Variants in POU2F3 observed in about 807,000 individuals in gnomAD.
The protein encoded by POU2F3 is POU domain, class 2, transcription factor 3.
Under a neutral mutation model 59.2 loss-of-function variants are expected in POU2F3, and 23 were observed. The ratio of observed to expected loss-of-function variants is 0.39; its 90% confidence interval spans 0.28 to 0.55. The LOEUF is 0.55. Among genes scored for constraint, POU2F3 ranks in the 20% least tolerant of loss-of-function variants. The pLI is 0.66. For missense variants in POU2F3, 473 were observed against 544.5 expected (o/e 0.87, Z 1.31); for synonymous variants, 190 against 214.6 (o/e 0.89, Z 1.00).
chr11:120,313,165 A>G (rs1196509770), intron 10 of POU2F3, among the ~76,000 whole-genome samples: 2 of 152,156 alleles, frequency 1.3e-5, no homozygotes, highest in Non-Finnish European at 2.9e-5. Context: ...CTTTGTTTAG[A>G]GCAGATGGGA....
Position 120,317,039 on chromosome 11 carries a change from G to A in POU2F3, c.1136-190G>A, listed in dbSNP as rs188437544. ...CTGGGCTGCAGAGAGCATTTGTGAC[G>A]ACAGCCCCTCTGGGTGTGGGCAGAA... is the stretch of plus-strand genomic sequence containing the variant. On this transcript the variant is annotated intron_variant, in intron 11 of 12. Coordinates refer to ENST00000543440, the MANE Select transcript of POU2F3 (RefSeq NM_014352.4). 919 of 641,624 alleles carry A rather than the reference G, an allele frequency of 1.4e-3. 8 individuals carry two copies. The Admixed American group carries it at 0.018, about 13-fold the overall frequency. The allele number at this position is 641,624 out of a possible 1,614,324, so 39.7% of individuals were successfully genotyped here. A position where few individuals can be genotyped will look rare whatever the true frequency, so the allele number is the denominator to read the frequency against.
chr11:120,239,070 G>A (rs1188355223), upstream of POU2F3, among the ~76,000 whole-genome samples: 1 of 152,140 alleles, frequency 6.6e-6, no homozygotes, highest in Non-Finnish European at 1.5e-5. Flanking sequence ...TGGGATGGGC[G>A]TGCCAGGGGG....
chr11:120,279,456 C>G (rs1940470505), intron 3 of POU2F3, among the ~76,000 whole-genome samples: 2 of 152,190 alleles, frequency 1.3e-5, no homozygotes, highest in Admixed American at 1.3e-4. Flanking sequence ...TCTCCACCAC[C>G]CTTCTCCCTG....
At chr11:120,240,454 G>A in intron 1 of POU2F3, 83 bp downstream of exon 1, 2 of 1,276,530 alleles carry the variant, frequency 1.6e-6, no homozygotes, top group African/African-American at 1.5e-5. Flanking sequence ...TCTGGTTAGG[G>A]AGGGGGGCTT....
intron 11 of POU2F3, 133 bp downstream of exon 11, chr11:120,315,560 A>G: frequency 1.2e-6 from 1 of 842,610 alleles, no homozygotes; most frequent in Non-Finnish European, 1.8e-6. Context: ...TGTGTTGGGA[A>G]AAAAGGGTTC....
chr11:120,250,976 CAA>C (rs1314731650), intron 2 of POU2F3, among the ~76,000 whole-genome samples: 1 of 131,928 alleles, frequency 7.6e-6, no homozygotes, highest in Non-Finnish European at 1.6e-5. Context: ...AACTCCGTCT[CAA>C]AAAAAAAAAA....
At chr11:120,281,417 G>A (rs905675212) in intron 3 of POU2F3, among the ~76,000 whole-genome samples, 3 of 151,838 alleles carry the variant, frequency 2.0e-5, no homozygotes, top group Admixed American at 2.0e-4. Context: ...CTCTGTGACT[G>A]CTGGATCACA....
chr11:120,260,731 G>A (rs565026325), intron 2 of POU2F3, among the ~76,000 whole-genome samples: 2 of 152,264 alleles, frequency 1.3e-5, no homozygotes, highest in East Asian at 1.9e-4. Flanking sequence ...GGCGTTGGGG[G>A]GTTAAGTTGG....
chr11:120,288,214 C>A (rs1940884043), intron 3 of POU2F3, among the ~76,000 whole-genome samples: 1 of 148,528 alleles, frequency 6.7e-6, no homozygotes, highest in Non-Finnish European at 1.5e-5. Flanking sequence ...ACATCAGTAT[C>A]CCTGAGGGCA....
chr11:120,240,232 G>GC lies in POU2F3; in HGVS notation c.-112_-111insC, dbSNP rs1938601622. Reference sequence around the variant, plus strand: ...CGACGGCTCCGGCAGCGGCTCCCGCGGCGGCGGCGGCCGGGAACTGGAGGA... The same window carrying GC: ...CGACGGCTCCGGCAGCGGCTCCCGCGCGCGGCGGCGGCCGGGAACTGGAGGA... On this transcript the variant is annotated 5_prime_UTR_variant, in exon 1 of 13. Transcript: ENST00000543440. The GC allele has an allele frequency of 5.6e-6, 7 of 1,242,008 alleles. No homozygotes were observed. The highest frequency in any genetic ancestry group is 7.1e-6 in the Non-Finnish European group (7 of 985,908). The allele number at this position is 1,242,008 out of a possible 1,614,324, so 76.9% of individuals were successfully genotyped here.
intron 3 of POU2F3, among the ~76,000 whole-genome samples, chr11:120,289,652 G>GCCGCTTCTTCCACTT (rs1050723540): frequency 1.3e-5 from 2 of 152,202 alleles, no homozygotes; most frequent in African/African-American, 2.4e-5. Context: ...TTTGGACAGA[G>GCCGCTTCTTCCACTT]CCGCTTCTTC....
At chr11:120,299,486 T>A in intron 4 of POU2F3, 138 bp from the exon 5 acceptor site, 1 of 641,318 alleles carries the variant, frequency 1.6e-6, no homozygotes, top group East Asian at 2.8e-5. Context: ...ACACTGGGGA[T>A]ACACAGTGGC....
At chr11:120,301,229 T>C (rs1941339413) in intron 5 of POU2F3, 1 of 374,262 alleles carries the variant, frequency 2.7e-6, no homozygotes, top group Non-Finnish European at 5.3e-6. Flanking sequence ...TTTCCTCTTC[T>C]GAAAAAATGG....
chr11:120,299,840 A>G lies in POU2F3; in HGVS notation c.361+114A>G, dbSNP rs960589277. The G allele has an allele frequency of 1.7e-5, 14 of 832,594 alleles. No individual in the cohort carries two copies. The Admixed American group carries it at 3.4e-4, about 20-fold the overall frequency. 51.6% of individuals were successfully genotyped at this position (832,594 alleles called of 1,614,324 possible). A position where few individuals can be genotyped will look rare whatever the true frequency, so the allele number is the denominator to read the frequency against. On this transcript the variant is annotated intron_variant, in intron 5 of 12. Coordinates refer to ENST00000543440, the MANE Select transcript of POU2F3 (RefSeq NM_014352.4). Reference sequence around the variant, plus strand: ...GAGAGCATGCGTCAGTCAGTCACCCATCTGCTATTAAGACCTACTTATCCA... The same window carrying G: ...GAGAGCATGCGTCAGTCAGTCACCCGTCTGCTATTAAGACCTACTTATCCA...
chr11:120,263,583 C>G (rs899854952), intron 2 of POU2F3, among the ~76,000 whole-genome samples: 2 of 152,158 alleles, frequency 1.3e-5, no homozygotes, highest in Non-Finnish European at 2.9e-5. Context: ...CAATTTTTTT[C>G]TGCGTCACTC....
At position 120,285,706 on chromosome 11, in the gene POU2F3, A is replaced by G. The variant is rs1030754170; in HGVS notation, c.133-12559A>G. Among the ~76,000 whole-genome samples, 1 of 152,244 alleles carries G rather than the reference A, an allele frequency of 6.6e-6. No individual in the cohort carries two copies. The highest frequency in any genetic ancestry group is 1.5e-5 in the Non-Finnish European group (1 of 68,040). Reference sequence around the variant, plus strand: ...TGGAAGACTTTTTCTCTGGATATATATTACAAATGGAAATGTATAAATTTT... The same window carrying G: ...TGGAAGACTTTTTCTCTGGATATATGTTACAAATGGAAATGTATAAATTTT... On this transcript the variant is annotated intron_variant, in intron 3 of 12. Coordinates refer to ENST00000543440, the MANE Select transcript of POU2F3 (RefSeq NM_014352.4). The surrounding 1 kb of genome is among the most constrained non-coding windows in gnomAD (Gnocchi z 4.3).
intron 10 of POU2F3, among the ~76,000 whole-genome samples, chr11:120,313,417 A>C (rs553805287): frequency 1.3e-5 from 2 of 152,246 alleles, no homozygotes; most frequent in Non-Finnish European, 2.9e-5. Context: ...AGGACATGAA[A>C]TAAATAGTTA....
At chr11:120,308,976 A>AAAAAAAAAAAAG (rs1941578361) in intron 9 of POU2F3, among the ~76,000 whole-genome samples, 1 of 142,676 alleles carries the variant, frequency 7.0e-6, no homozygotes, top group Non-Finnish European at 1.5e-5. Flanking sequence ...AAAAAAAAAA[A>AAAAAAAAAAAAG]GAAATGACAA....
rs1356087197 is a variant in POU2F3, at chr11:120,298,319, T to G, written c.187T>G (p.Cys63Gly). 2 of 1,613,794 alleles carry G rather than the reference T, an allele frequency of 1.2e-6. No homozygotes were observed. Among genetic ancestry groups the G allele is most frequent in the Non-Finnish European group, 1.7e-6 (2 of 1,179,876 alleles). Residue 63 changes from cysteine to glycine, a missense_variant, in exon 4 of 13, where the codon TGC (cysteine) becomes GGC (glycine). Cys to Gly is a radical substitution (Grantham distance 159, BLOSUM62 -3). Coordinates refer to ENST00000543440, the MANE Select transcript of POU2F3 (RefSeq NM_014352.4). ...SLQQTLSHRP[C>G]HLSQGPAMMS... is the part of the protein sequence containing the mutation. ...GCAGCAGACCCTCTCCCATCGGCCA[T>G]GCCACCTGAGTCAAGGACCTGCCAT...
Sources: allele counts gnomAD v4.1 joint callset (sites outside exome capture counted in the v4.1 genomes callset), GRCh38; gene constraint gnomAD v4.1.1; non-coding constraint Gnocchi (gnomAD v3.1); transcripts MANE v1.5; gene names NCBI Gene and HGNC (gene_info 2026-07-23, HGNC 2026-07-21).